Variants in FHIT observed in about 807,000 individuals in gnomAD.
FHIT encodes fragile histidine triad diadenosine triphosphatase.
In FHIT, 19 loss-of-function variants were observed where a neutral mutation model predicts 17.9. That is an observed-to-expected ratio of 1.06 (90% CI 0.74 to 1.56). The LOEUF is 1.56. FHIT is among the 40% of genes most tolerant of loss of function. The pLI is 0.00. For synonymous variants in FHIT, 81 were observed against 69.7 expected, an observed-to-expected ratio of 1.16 and a Z score of -0.81; for missense variants, 248 against 189.2, an observed-to-expected ratio of 1.31 and a Z score of -1.82.
intron 3 of FHIT, among the ~76,000 whole-genome samples, chr3:60,938,858 A>AG (rs1708297663): frequency 6.6e-6 from 1 of 152,210 alleles, no homozygotes; most frequent in South Asian, 2.1e-4. Flanking sequence ...TGAATGGGAA[A>AG]GCCTTTCTTT....
At chr3:60,531,227 T>C (rs2035766125) in intron 5 of FHIT, among the ~76,000 whole-genome samples, 1 of 151,182 alleles carries the variant, frequency 6.6e-6, no homozygotes, top group Admixed American at 6.6e-5. Context: ...GATATTAAAA[T>C]AGTGCTTGTG....
chr3:60,127,907 A>T (rs1020572260), intron 5 of FHIT, among the ~76,000 whole-genome samples: 1 of 152,196 alleles, frequency 6.6e-6, no homozygotes, highest in Non-Finnish European at 1.5e-5. Flanking sequence ...CTGGGATTAC[A>T]GTCATGAGCC....
chr3:60,558,133 G>C (rs180993), intron 4 of FHIT, among the ~76,000 whole-genome samples: 35,656 of 151,922 alleles, frequency 0.23, 4,625 homozygotes, highest in Non-Finnish European at 0.29. Context: ...TTGCCTTTGT[G>C]TATCGCAAAG....
At chr3:60,748,231 A>C (rs1038410866) in intron 4 of FHIT, among the ~76,000 whole-genome samples, 3 of 152,194 alleles carry the variant, frequency 2.0e-5, no homozygotes, top group African/African-American at 7.2e-5. Flanking sequence ...GTTGGGGACA[A>C]AAAAACTTTT....
chr3:59,967,138 A>T (rs1707964184), intron 7 of FHIT, among the ~76,000 whole-genome samples: 1 of 152,100 alleles, frequency 6.6e-6, no homozygotes, highest in African/African-American at 2.4e-5. Flanking sequence ...ATCTTGTCCC[A>T]CTGAAAGGCC....
chr3:60,203,827 GC>G (rs1239570313), intron 5 of FHIT, among the ~76,000 whole-genome samples: 1 of 152,086 alleles, frequency 6.6e-6, no homozygotes, highest in Non-Finnish European at 1.5e-5. Context: ...AAAAATGGGG[GC>G]AAAGACAGGA....
At chr3:59,989,138 T>C (rs563450064) in intron 7 of FHIT, among the ~76,000 whole-genome samples, 20 of 152,148 alleles carry the variant, frequency 1.3e-4, no homozygotes, top group African/African-American at 4.8e-4. Context: ...ACAGTGATTT[T>C]ATCTGGCTTC....
intron 4 of FHIT, among the ~76,000 whole-genome samples, chr3:60,774,131 C>A (rs1700138098): frequency 6.6e-6 from 1 of 152,074 alleles, no homozygotes; most frequent in Admixed American, 6.5e-5. Flanking sequence ...ATGCCTTATT[C>A]CATTTGATAC....
At chr3:59,870,779 T>G (rs1230998402) in intron 8 of FHIT, among the ~76,000 whole-genome samples, 1 of 152,164 alleles carries the variant, frequency 6.6e-6, no homozygotes, top group East Asian at 1.9e-4. Flanking sequence ...TTTTCCCTGT[T>G]ATTGCTAGAA....
In FHIT at chr3:60,142,935, T is replaced by C. The variant is rs138560511; in HGVS notation, c.104-128783A>G. Among the ~76,000 whole-genome samples, 139 of 152,242 alleles carry C rather than the reference T, an allele frequency of 9.1e-4. 1 individual carries two copies. Among genetic ancestry groups the C allele is most frequent in the African/African-American group, 3.0e-3 (125 of 41,562 alleles). The stretch of plus-strand genomic sequence containing the variant: ...GAATAGGTTAAGTAAACAAATGTCA[T>C]AGACAAAACTAGAGTCAGGAACAAG... On this transcript the variant is annotated intron_variant, in intron 5 of 9. Coordinates refer to ENST00000492590, the MANE Select transcript of FHIT (RefSeq NM_002012.4).
chr3:60,032,452 G>GAA (rs66997198), intron 5 of FHIT, among the ~76,000 whole-genome samples: 1 of 151,302 alleles, frequency 6.6e-6, no homozygotes, highest in Non-Finnish European at 1.5e-5. Flanking sequence ...ACCGTACCTT[G>GAA]AAAAAAATAA....
intron 8 of FHIT, among the ~76,000 whole-genome samples, chr3:59,815,238 G>A (rs978849173): frequency 1.3e-4 from 20 of 152,062 alleles, no homozygotes; most frequent in Admixed American, 9.8e-4. Flanking sequence ...CACTATGGAA[G>A]GAAAGGGAAT....
At chr3:59,934,971 T>G (rs11719244) in intron 7 of FHIT, among the ~76,000 whole-genome samples, 12 of 151,998 alleles carry the variant, frequency 7.9e-5, no homozygotes, top group Non-Finnish European at 1.5e-4. Context: ...TCTAGAGAAG[T>G]TGACAAACCT....
chr3:60,763,494 G>A (rs542552657), intron 4 of FHIT, among the ~76,000 whole-genome samples: 3 of 152,296 alleles, frequency 2.0e-5, no homozygotes, highest in African/African-American at 7.2e-5. Context: ...TCTCTACCCT[G>A]TGAAGGTAGG....
intron 7 of FHIT, among the ~76,000 whole-genome samples, chr3:59,991,038 T>C (rs1709208889): frequency 6.6e-6 from 1 of 152,030 alleles, no homozygotes; most frequent in African/African-American, 2.4e-5. Flanking sequence ...AACATCCAGA[T>C]GAGGTATTGT....
At chr3:60,676,497 G>T (rs2040623924) in intron 4 of FHIT, among the ~76,000 whole-genome samples, 1 of 152,214 alleles carries the variant, frequency 6.6e-6, no homozygotes, top group Admixed American at 6.5e-5. Context: ...AGGTGGACAA[G>T]TCAGAAGCAG....
chr3:59,957,691 T>A (rs1220707293), intron 7 of FHIT, among the ~76,000 whole-genome samples: 7 of 152,190 alleles, frequency 4.6e-5, no homozygotes, highest in Non-Finnish European at 1.5e-5. Flanking sequence ...TTACAGTGCT[T>A]TTCACCTGTA....
At chr3:59,755,332 C>CAAGACTTGTGTCCTAG (rs1701158969) in intron 8 of FHIT, among the ~76,000 whole-genome samples, 4 of 152,194 alleles carry the variant, frequency 2.6e-5, no homozygotes, top group African/African-American at 7.2e-5. Flanking sequence ...CCCTGGTGGG[C>CAAGACTTGTGTCCTAG]AAGACTTGTG....
chr3:60,457,234 T>G (rs185252814), intron 5 of FHIT, among the ~76,000 whole-genome samples: 6,711 of 151,886 alleles, frequency 0.044, 184 homozygotes, highest in Middle Eastern at 0.1. Flanking sequence ...AAAACAGAGA[T>G]ATAGACCAAT....
Sources: gnomAD v4.1 joint callset for allele counts (sites outside exome capture counted in the v4.1 genomes callset) on GRCh38, gnomAD v4.1.1 for gene constraint, MANE v1.5 for transcripts, NCBI Gene and HGNC (gene_info 2026-07-23, HGNC 2026-07-21) for gene names.